Variants in PAQR5 observed in about 807,000 individuals in gnomAD.
PAQR5 encodes membrane progestin receptor gamma.
A neutral mutation model predicts 34.5 loss-of-function variants in PAQR5; 20 were observed. That is an observed-to-expected ratio of 0.58 (90% confidence interval 0.41 to 0.84). The LOEUF (loss-of-function observed/expected upper bound fraction) is 0.84. Ranked by LOEUF, PAQR5 falls within the 40% of genes least tolerant of loss-of-function variation. The probability of loss-of-function intolerance (pLI) is 0.00; values close to 1 mark genes in which losing one functional copy is unlikely to be tolerated. For synonymous variants in PAQR5, 131 were observed against 155.6 expected, an observed-to-expected ratio of 0.84 and a Z score of 1.18; for missense variants, 378 against 412.7, an observed-to-expected ratio of 0.92 and a Z score of 0.73.
chr15:69,300,622 TTTC>T (rs2053525089), intron 1 of PAQR5, among the ~76,000 whole-genome samples: 1 of 53,248 alleles, frequency 1.9e-5, no homozygotes, highest in Non-Finnish European at 4.2e-5. Flanking sequence ...TCTTTCTTTC[TTTC>T]TTTCTTTCTT....
intron 3 of PAQR5, among the ~76,000 whole-genome samples, chr15:69,363,131 C>T (rs1041748560): frequency 6.6e-6 from 1 of 152,180 alleles, no homozygotes; most frequent in Admixed American, 6.5e-5. Flanking sequence ...GTGACCTGGG[C>T]CACTTCACTA....
At chr15:69,316,483 C>A (rs1310411695) in intron 1 of PAQR5, among the ~76,000 whole-genome samples, 1 of 152,136 alleles carries the variant, frequency 6.6e-6, no homozygotes, top group Non-Finnish European at 1.5e-5. Context: ...AGCCACGGGG[C>A]TCTTAATCCA....
At chr15:69,332,115 T>C (rs2054393325) in intron 1 of PAQR5, among the ~76,000 whole-genome samples, 1 of 152,214 alleles carries the variant, frequency 6.6e-6, no homozygotes, top group South Asian at 2.1e-4. Flanking sequence ...ACTATTGGTC[T>C]CCTCTGCAAG....
At chr15:69,399,107 C>T (rs900257694) in intron 7 of PAQR5, among the ~76,000 whole-genome samples, 1 of 152,208 alleles carries the variant, frequency 6.6e-6, no homozygotes, top group African/African-American at 2.4e-5. Flanking sequence ...CTATACTTAG[C>T]TCTGAAACAG....
chr15:69,309,833 G>C (rs192104879), intron 1 of PAQR5, among the ~76,000 whole-genome samples: 3 of 152,000 alleles, frequency 2.0e-5, no homozygotes, highest in African/African-American at 7.3e-5. Context: ...CTGATCACCT[G>C]AGGTCAGGAG....
At position 69,380,808 on chromosome 15, in the gene PAQR5, C is replaced by G. The variant is rs772148062; in HGVS notation, c.179+798C>G. On this transcript the variant is annotated intron_variant, in intron 4 of 8. Transcript: ENST00000395407. ...CACCACTGGTCGATGTAGACACAGC[C>G]GAGAGACGGGGTGGCGTCCTTACGT... 2.0e-5 allele frequency among the ~76,000 whole-genome samples: 3 copies of G among 152,194 alleles called. No individual in the cohort carries two copies. The East Asian group carries it at 5.8e-4, about 29-fold the overall frequency.
intron 1 of PAQR5, among the ~76,000 whole-genome samples, chr15:69,300,611 TTCTTTCTTTC>T: frequency 2.0e-5 from 1 of 49,378 alleles, no homozygotes; most frequent in East Asian, 5.3e-4. Flanking sequence ...CTTTCTTTCT[TTCTTTCTTTC>T]TTTCTTTCTT....
intron 2 of PAQR5, among the ~76,000 whole-genome samples, chr15:69,354,809 G>C (rs2055013575): frequency 6.6e-6 from 1 of 152,166 alleles, no homozygotes; most frequent in East Asian, 1.9e-4. Flanking sequence ...CTCAGTGTGG[G>C]CAGACACCAT....
Position 69,384,753 on chromosome 15 carries a change from G to A in PAQR5, c.256G>A (p.Val86Met). 1.2e-6 allele frequency: 2 copies of A among 1,613,972 alleles called. No homozygotes were observed. The highest frequency in any genetic ancestry group is 8.5e-7 in the Non-Finnish European group (1 of 1,179,848). Residue 86 changes from valine to methionine, a missense_variant, in exon 5 of 9, where the codon GTG (valine) becomes ATG (methionine). Val to Met is a conservative substitution (Grantham distance 21). Coordinates refer to ENST00000395407, the MANE Select transcript of PAQR5 (RefSeq NM_017705.4). Reference protein sequence around the residue: ...KNDSYSWPMLVYMCTSCVYPL... With the variant: ...KNDSYSWPMLMYMCTSCVYPL... ...TGACAGCTACTCCTGGCCCATGCTT[G>A]TGTACATGTGCACCAGCTGCGTGTA...
chr15:69,300,803 CTTCT>C (rs1200213534), intron 1 of PAQR5, among the ~76,000 whole-genome samples: 2 of 21,230 alleles, frequency 9.4e-5, no homozygotes, highest in African/African-American at 1.3e-4. Flanking sequence ...TCTTTCTTTC[CTTCT>C]TTCCTTCCTT....
At chr15:69,371,559 A>G (rs2055562851) in intron 3 of PAQR5, among the ~76,000 whole-genome samples, 1 of 152,150 alleles carries the variant, frequency 6.6e-6, no homozygotes. Flanking sequence ...CTTAGTCAAA[A>G]TTACACCTCA....
At chr15:69,361,611 T>C (rs1412074519) in intron 3 of PAQR5, among the ~76,000 whole-genome samples, 1 of 152,144 alleles carries the variant, frequency 6.6e-6, no homozygotes, top group Non-Finnish European at 1.5e-5. Context: ...TACATGACAG[T>C]AGGCAAGAGA....
At position 69,343,104 on chromosome 15, in the gene PAQR5, G is replaced by A. The variant is rs115075377; in HGVS notation, c.-116+5603G>A. On this transcript the variant is annotated intron_variant, in intron 2 of 8. Coordinates refer to ENST00000395407, the MANE Select transcript of PAQR5 (RefSeq NM_017705.4). ...CATCCGGTGGTGATTTAGACTGGAT[G>A]GCTTCTCAGAAGCTTCCCAGTCTCA... 6.2e-3 allele frequency among the ~76,000 whole-genome samples: 939 copies of A among 152,272 alleles called. 14 individuals are homozygous for A. Among genetic ancestry groups the A allele is most frequent in the African/African-American group, 0.022 (897 of 41,546 alleles).
In PAQR5 at chr15:69,404,987, T is replaced by C; in HGVS notation, c.*1165T>C. The stretch of plus-strand genomic sequence containing the variant: ...TGGTGTTACATGTTCCAAAAGGCAT[T>C]AGACCTATCAGCTTTGTTTCGCCTG... On this transcript the variant is annotated 3_prime_UTR_variant, in exon 9 of 9. Transcript: ENST00000395407. 1 of 398,628 alleles carries C rather than the reference T, an allele frequency of 2.5e-6. No homozygotes were observed. The allele number at this position is 398,628 out of a possible 1,614,324, so 24.7% of individuals were successfully genotyped here.
At chr15:69,341,353 CTTTTTT>C (rs370642387) in intron 2 of PAQR5, among the ~76,000 whole-genome samples, 1 of 117,716 alleles carries the variant, frequency 8.5e-6, no homozygotes, top group African/African-American at 3.2e-5. Context: ...AATTCTATTC[CTTTTTT>C]TTTTTTTTTT....
intron 1 of PAQR5, among the ~76,000 whole-genome samples, chr15:69,307,799 C>A (rs1028137187): frequency 6.6e-6 from 1 of 152,086 alleles, no homozygotes; most frequent in South Asian, 2.1e-4. Flanking sequence ...CTGTGGCTGT[C>A]GGTGGGGTGG....
At chr15:69,394,139 C>CT (rs1472017808) in intron 6 of PAQR5, among the ~76,000 whole-genome samples, 1 of 149,514 alleles carries the variant, frequency 6.7e-6, no homozygotes, top group Non-Finnish European at 1.5e-5. Context: ...TTTCAAAGAG[C>CT]TGCTGAGTGA....
chr15:69,378,264 T>TAAAAAAAAAAAAAAAAAAA (rs71149912), intron 3 of PAQR5, among the ~76,000 whole-genome samples: 15 of 59,692 alleles, frequency 2.5e-4, no homozygotes, highest in African/African-American at 1.3e-3. Flanking sequence ...GACTCCATCT[T>TAAAAAAAAAAAAAAAAAAA]AAAAAAAAAA....
intron 2 of PAQR5, among the ~76,000 whole-genome samples, chr15:69,351,331 C>T (rs961949334): frequency 6.6e-6 from 1 of 152,220 alleles, no homozygotes; most frequent in African/African-American, 2.4e-5. Flanking sequence ...ACAGATGGAT[C>T]CTGAAGAATC....
Sources: gnomAD v4.1 joint callset for allele counts (sites outside exome capture counted in the v4.1 genomes callset) on GRCh38, gnomAD v4.1.1 for gene constraint, MANE v1.5 for transcripts, NCBI Gene and HGNC (gene_info 2026-07-23, HGNC 2026-07-21) for gene names.